Variants in CAST observed in about 807,000 individuals in gnomAD.
CAST encodes calpastatin, also known as MIR583 host.
Under a neutral mutation model 119.6 loss-of-function variants are expected in CAST, and 76 were observed. The observed-to-expected ratio is 0.64, with a 90% CI of 0.53 to 0.77. CAST has a LOEUF of 0.77. CAST is among the 30% of genes least tolerant of loss of function. The probability of loss-of-function intolerance (pLI) is 0.00; values close to 1 mark genes in which losing one functional copy is unlikely to be tolerated. For missense variants in CAST, 953 were observed against 946.5 expected (o/e 1.01, Z -0.09); for synonymous variants, 319 against 331.6 (o/e 0.96, Z 0.41).
At chr5:96,360,654 A>G in the CAST span, among the ~76,000 whole-genome samples, 3 of 152,324 alleles carry the variant, frequency 2.0e-5, no homozygotes, top group South Asian at 2.1e-4. Flanking sequence ...GGGTATCACC[A>G]GCAGAGGCTG....
the CAST span, among the ~76,000 whole-genome samples, chr5:96,193,111 A>G: frequency 6.6e-6 from 1 of 152,164 alleles, no homozygotes; most frequent in Admixed American, 6.5e-5. Flanking sequence ...AAAAATTTTT[A>G]TTGTCAATAT....
chr5:96,335,493 A>G, the CAST span, among the ~76,000 whole-genome samples: 1 of 152,140 alleles, frequency 6.6e-6, no homozygotes, highest in South Asian at 2.1e-4. Flanking sequence ...CTCTCCCTCC[A>G]TCTACCACCC....
intron 1 of CAST, among the ~76,000 whole-genome samples, chr5:96,666,822 TG>T (rs1376050151): frequency 6.6e-6 from 1 of 152,022 alleles, no homozygotes; most frequent in Non-Finnish European, 1.5e-5. Context: ...CTTCTGGGGG[TG>T]GGAACAGTGG....
At chr5:96,179,259 C>T in the CAST span, among the ~76,000 whole-genome samples, 1 of 152,152 alleles carries the variant, frequency 6.6e-6, no homozygotes, top group African/African-American at 2.4e-5. Context: ...ATCAAAACTC[C>T]CTTAAATGGA....
chr5:96,445,990 G>T, the CAST span, among the ~76,000 whole-genome samples: 1 of 152,146 alleles, frequency 6.6e-6, no homozygotes, highest in East Asian at 1.9e-4. Context: ...TGGGATCATA[G>T]GCATGTGCCA....
At chr5:96,154,094 G>A in the CAST span, among the ~76,000 whole-genome samples, 1 of 151,910 alleles carries the variant, frequency 6.6e-6, no homozygotes, top group African/African-American at 2.4e-5. Context: ...TGGCTAAAAT[G>A]GTGAAACCCC....
the CAST span, among the ~76,000 whole-genome samples, chr5:96,506,167 T>C: frequency 6.6e-6 from 1 of 152,232 alleles, no homozygotes; most frequent in Admixed American, 6.5e-5. Context: ...GGAATATTTG[T>C]ATAGATCCCA....
At chr5:96,396,031 C>T in the CAST span, among the ~76,000 whole-genome samples, 5 of 152,092 alleles carry the variant, frequency 3.3e-5, no homozygotes, top group African/African-American at 1.2e-4. Flanking sequence ...TTCTTAGTTT[C>T]CTGATGGTGA....
At chr5:96,449,231 T>C in the CAST span, among the ~76,000 whole-genome samples, 1 of 152,182 alleles carries the variant, frequency 6.6e-6, no homozygotes, top group Non-Finnish European at 1.5e-5. Flanking sequence ...TATAGACACA[T>C]ACTCAGTGTT....
chr5:96,149,773 G>C, the CAST span, among the ~76,000 whole-genome samples: 2 of 152,176 alleles, frequency 1.3e-5, no homozygotes, highest in Admixed American at 6.5e-5. Flanking sequence ...CATCCAATCT[G>C]TTAATTCTTG....
At chr5:96,045,665 C>T in the CAST span, among the ~76,000 whole-genome samples, 12 of 152,130 alleles carry the variant, frequency 7.9e-5, no homozygotes, top group East Asian at 5.8e-4. Context: ...AATTGCAACC[C>T]TATGAGGCAG....
intron 1 of CAST, among the ~76,000 whole-genome samples, chr5:96,665,767 TACAC>T (rs1301298607): frequency 6.6e-6 from 1 of 150,612 alleles, no homozygotes; most frequent in Non-Finnish European, 1.5e-5. Flanking sequence ...CACATATACA[TACAC>T]ACATACAAAC....
chr5:96,523,999 G>T (rs1745559614), upstream of CAST, among the ~76,000 whole-genome samples: 1 of 152,198 alleles, frequency 6.6e-6, no homozygotes, highest in Non-Finnish European at 1.5e-5. Flanking sequence ...GAAAACAAGA[G>T]TATACATGTG....
chr5:96,614,354 T>C (rs1747416248), intron 1 of CAST, among the ~76,000 whole-genome samples: 1 of 152,210 alleles, frequency 6.6e-6, no homozygotes, highest in Admixed American at 6.5e-5. Flanking sequence ...TCTTACCTAC[T>C]ACAGCGCCTC....
At chr5:96,590,575 T>C (rs966219745) in intron 1 of CAST, among the ~76,000 whole-genome samples, 12 of 152,202 alleles carry the variant, frequency 7.9e-5, no homozygotes, top group African/African-American at 2.9e-4. Context: ...ATGGAAAAGA[T>C]AGCAAAGCGC....
At chr5:96,323,957 T>C in the CAST span, among the ~76,000 whole-genome samples, 2 of 152,214 alleles carry the variant, frequency 1.3e-5, no homozygotes, top group East Asian at 3.8e-4. Context: ...TCTGACCTTC[T>C]TTCTTCTTTC....
chr5:96,724,198 T>C (rs1446521334), intron 4 of CAST, among the ~76,000 whole-genome samples: 1 of 151,060 alleles, frequency 6.6e-6, no homozygotes, highest in Non-Finnish European at 1.5e-5. Context: ...TTTTTTTTCC[T>C]TGAGGCAGGG....
the CAST span, among the ~76,000 whole-genome samples, chr5:96,061,984 C>T: frequency 5.3e-5 from 8 of 152,006 alleles, no homozygotes; most frequent in Admixed American, 1.3e-4. Flanking sequence ...TGTTATATGG[C>T]GCCATCCCTC....
the CAST span, among the ~76,000 whole-genome samples, chr5:96,289,710 A>G: frequency 6.6e-6 from 1 of 152,186 alleles, no homozygotes; most frequent in South Asian, 2.1e-4. Flanking sequence ...CACTGGCTTT[A>G]CTAAATATCC....
Sources: gnomAD v4.1 joint callset for allele counts (sites outside exome capture counted in the v4.1 genomes callset) on GRCh38, gnomAD v4.1.1 for gene constraint, MANE v1.5 for transcripts, NCBI Gene and HGNC (gene_info 2026-07-23, HGNC 2026-07-21) for gene names.